The following MTA3 variants were observed in gnomAD, a reference collection of about 807,000 sequenced individuals.
The protein encoded by MTA3 is metastasis associated 1 family member 3.
Under a neutral mutation model 83.5 loss-of-function variants are expected in MTA3, and 34 were observed. That is an observed-to-expected ratio of 0.41 (90% CI 0.31 to 0.54). The LOEUF (loss-of-function observed/expected upper bound fraction) is 0.54, where lower values mean the gene tolerates loss of function less well. MTA3 is among the 20% of genes least tolerant of loss of function. The pLI is 0.33. For missense variants in MTA3, 761 were observed against 726.4 expected (o/e 1.05, Z -0.55); for synonymous variants, 303 against 252.7 (o/e 1.20, Z -1.89).
At chr2:42,678,877 A>G (rs777859947) in intron 8 of MTA3, among the ~76,000 whole-genome samples, 1 of 152,160 alleles carries the variant, frequency 6.6e-6, no homozygotes, top group Non-Finnish European at 1.5e-5. Flanking sequence ...GAGCTCTCCT[A>G]CAGTCTCCTA....
At chr2:42,587,709 C>G (rs768245250) in intron 3 of MTA3, among the ~76,000 whole-genome samples, 4 of 152,072 alleles carry the variant, frequency 2.6e-5, no homozygotes, top group Non-Finnish European at 5.9e-5. Flanking sequence ...TCAAGTGATT[C>G]TCCTGCTTCA....
intron 2 of MTA3, among the ~76,000 whole-genome samples, chr2:42,509,868 T>A (rs1674815184): frequency 1.3e-5 from 2 of 152,216 alleles, no homozygotes; most frequent in Admixed American, 1.3e-4. Flanking sequence ...CTGGCTATAT[T>A]AATGTATACA....
chr2:42,744,948 G>A (rs575040143), intron 16 of MTA3, among the ~76,000 whole-genome samples: 1 of 152,336 alleles, frequency 6.6e-6, no homozygotes, highest in East Asian at 1.9e-4. Flanking sequence ...GGAAATGGAA[G>A]AATTTGTCAC....
At chr2:42,634,741 C>G (rs1687020826) in intron 4 of MTA3, among the ~76,000 whole-genome samples, 1 of 151,978 alleles carries the variant, frequency 6.6e-6, no homozygotes. Context: ...TTGGTTCCAA[C>G]TCTGTAGTCA....
intron 9 of MTA3, among the ~76,000 whole-genome samples, chr2:42,689,804 C>T (rs1219824389): frequency 2.3e-5 from 3 of 129,816 alleles, no homozygotes; most frequent in African/African-American, 5.8e-5. Context: ...CTTGATCAGT[C>T]TGGCTAGGAG....
intron 9 of MTA3, among the ~76,000 whole-genome samples, chr2:42,685,043 A>T (rs1232348239): frequency 6.6e-6 from 1 of 152,226 alleles, no homozygotes; most frequent in Non-Finnish European, 1.5e-5. Flanking sequence ...AAAGAGAGAA[A>T]AGAGCAGATA....
intron 6 of MTA3, among the ~76,000 whole-genome samples, chr2:42,653,115 G>A (rs1443485310): frequency 6.6e-6 from 1 of 152,196 alleles, no homozygotes; most frequent in East Asian, 1.9e-4. Context: ...TAAAATAGTT[G>A]CTGGGTCTAC....
chr2:42,520,764 C>T (rs1044120266), intron 2 of MTA3, among the ~76,000 whole-genome samples: 1 of 151,884 alleles, frequency 6.6e-6, no homozygotes, highest in African/African-American at 2.4e-5. Flanking sequence ...CAGGGTCTCC[C>T]TATGTTGCCC....
At chr2:42,525,923 G>C (rs1026575121) in intron 2 of MTA3, among the ~76,000 whole-genome samples, 5 of 150,142 alleles carry the variant, frequency 3.3e-5, no homozygotes, top group African/African-American at 1.2e-4. Context: ...GCCTCCCCAA[G>C]TGCTAGGATT....
At chr2:42,743,278 C>G (rs1235964332) in intron 16 of MTA3, among the ~76,000 whole-genome samples, 1 of 152,176 alleles carries the variant, frequency 6.6e-6, no homozygotes, top group South Asian at 2.1e-4. Context: ...AGGGACAAGG[C>G]GATTGCCTGC....
rs1365190100 is a variant in MTA3, at chr2:42,591,470, A to G, written c.190+12270A>G. 2.0e-5 allele frequency among the ~76,000 whole-genome samples: 3 copies of G among 152,164 alleles called. No individual in the cohort carries two copies. The East Asian group carries it at 5.8e-4, about 29-fold the overall frequency. Reference sequence around the variant, plus strand: ...AAATTTATGGAAACGTTTTCCTTCAATAATGAATTAACCCAATTTATTATA... The same window carrying G: ...AAATTTATGGAAACGTTTTCCTTCAGTAATGAATTAACCCAATTTATTATA... On this transcript the variant is annotated intron_variant, in intron 3 of 16. Transcript: ENST00000405094.
intron 10 of MTA3, among the ~76,000 whole-genome samples, chr2:42,696,787 A>G (rs1693424859): frequency 6.6e-6 from 1 of 152,188 alleles, no homozygotes; most frequent in African/African-American, 2.4e-5. Flanking sequence ...TGAATTGCTG[A>G]GGTCACAAAT....
At chr2:42,598,605 C>T (rs1440376168) in intron 3 of MTA3, among the ~76,000 whole-genome samples, 1 of 152,006 alleles carries the variant, frequency 6.6e-6, no homozygotes, top group Non-Finnish European at 1.5e-5. Flanking sequence ...TTATTTATCT[C>T]CTTAAAATTT....
In MTA3 at chr2:42,590,404, C is replaced by T. The variant is rs13401810; in HGVS notation, c.190+11204C>T. The stretch of plus-strand genomic sequence containing the variant: ...CTTGCTTCCTTTCTTGCCATGTGAT[C>T]GCTGCATACTGGTTCCCCTTCACCT... On this transcript the variant is annotated intron_variant, in intron 3 of 16. Transcript: ENST00000405094. Among the ~76,000 whole-genome samples, 120 of 152,236 alleles carry T rather than the reference C, an allele frequency of 7.9e-4. 1 individual carries two copies. Among genetic ancestry groups the T allele is most frequent in the African/African-American group, 2.3e-3 (96 of 41,568 alleles).
chr2:42,574,873 C>G (rs956512762), intron 2 of MTA3, among the ~76,000 whole-genome samples: 1 of 152,170 alleles, frequency 6.6e-6, no homozygotes, highest in South Asian at 2.1e-4. Flanking sequence ...ATTATTTAGT[C>G]TTTGAGACCA....
chr2:42,718,868 G>A, intron 14 of MTA3, 120 bp from the exon 15 acceptor site: 1 of 676,636 alleles, frequency 1.5e-6, no homozygotes, highest in Admixed American at 2.9e-5. Flanking sequence ...AGGAAATTAT[G>A]CGGGAATCTG....
intron 16 of MTA3, among the ~76,000 whole-genome samples, chr2:42,729,651 A>G (rs1287523204): frequency 2.6e-5 from 4 of 152,076 alleles, no homozygotes; most frequent in Admixed American, 1.3e-4. Flanking sequence ...ATTGGTCTGT[A>G]TGTCTGTTTT....
At chr2:42,531,756 C>G (rs567590852) in intron 2 of MTA3, among the ~76,000 whole-genome samples, 3 of 151,234 alleles carry the variant, frequency 2.0e-5, no homozygotes, top group Middle Eastern at 3.5e-3. Context: ...CGGCCAAAAT[C>G]CAGCTTTTTG....
intron 2 of MTA3, among the ~76,000 whole-genome samples, chr2:42,508,786 T>C (rs908328036): frequency 6.8e-6 from 1 of 147,096 alleles, no homozygotes; most frequent in Non-Finnish European, 1.5e-5. Context: ...ATTTAATATA[T>C]CATAGATTAA....
Sources: allele counts gnomAD v4.1 joint callset (sites outside exome capture counted in the v4.1 genomes callset), GRCh38; gene constraint gnomAD v4.1.1; transcripts MANE v1.5; gene names NCBI Gene and HGNC (gene_info 2026-07-23, HGNC 2026-07-21).